CRADD: variants seen among roughly 807,000 people sequenced by gnomAD.
CRADD encodes death domain-containing protein CRADD.
CRADD carries 9 observed loss-of-function variants against 15.5 expected under a neutral mutation model. The ratio of observed to expected loss-of-function variants is 0.58; its 90% CI spans 0.35 to 1.01. The LOEUF is 1.01. CRADD is among the 50% of genes least tolerant of loss of function. The pLI is 0.02. For synonymous variants in CRADD, 118 were observed against 107.6 expected (o/e 1.10, Z -0.60); for missense variants, 227 against 250.3 (o/e 0.91, Z 0.63).
chr12:93,813,594 T>C (rs900034873), intron 2 of CRADD, among the ~76,000 whole-genome samples: 5 of 152,170 alleles, frequency 3.3e-5, no homozygotes, highest in Non-Finnish European at 7.3e-5. Context: ...CTGTAACTAA[T>C]TTAGGTTGAG....
chr12:93,752,727 AG>A (rs1360941251), intron 2 of CRADD, among the ~76,000 whole-genome samples: 10 of 152,124 alleles, frequency 6.6e-5, no homozygotes, highest in African/African-American at 9.7e-5. Flanking sequence ...TCCACATGGC[AG>A]GGGGGGCCTC....
chr12:93,771,849 A>G (rs879759509), intron 2 of CRADD, among the ~76,000 whole-genome samples: 1 of 152,210 alleles, frequency 6.6e-6, no homozygotes, highest in Non-Finnish European at 1.5e-5. Context: ...CTGAGTCTTA[A>G]TATCTTCATC....
chr12:93,811,506 T>C (rs1957626321), intron 2 of CRADD, among the ~76,000 whole-genome samples: 1 of 152,206 alleles, frequency 6.6e-6, no homozygotes, highest in Non-Finnish European at 1.5e-5. Flanking sequence ...TGCAGTGTAG[T>C]GTAGCAGGAT....
intron 2 of CRADD, among the ~76,000 whole-genome samples, chr12:93,693,994 T>C (rs912862298): frequency 6.6e-6 from 1 of 152,110 alleles, no homozygotes; most frequent in Non-Finnish European, 1.5e-5. Flanking sequence ...GGCCAGAATT[T>C]ACTTTGATAT....
At chr12:93,877,895 C>T (rs1395024797) in intron 2 of CRADD, among the ~76,000 whole-genome samples, 3 of 152,106 alleles carry the variant, frequency 2.0e-5, no homozygotes. Flanking sequence ...CTTTGCTTTT[C>T]CCTCTGCTTT....
rs146332451 is a variant in CRADD at position 93,832,683 on chromosome 12, T to C, written c.299-17287T>C. On this transcript the variant is annotated intron_variant, in intron 2 of 2. Transcript: ENST00000332896. ...AGATGAAACTAAAGTTATAAGTATT[T>C]TTAAACAATTTTGAAAATTTTGGAG... is the stretch of plus-strand genomic sequence containing the variant. Among the ~76,000 whole-genome samples, 49 of 152,362 alleles carry C rather than the reference T, an allele frequency of 3.2e-4. No homozygotes were observed. The East Asian group carries it at 7.5e-3, about 23-fold the overall frequency.
At chr12:93,776,385 AT>A (rs1445930578) in intron 2 of CRADD, among the ~76,000 whole-genome samples, 1 of 152,150 alleles carries the variant, frequency 6.6e-6, no homozygotes, top group African/African-American at 2.4e-5. Flanking sequence ...TGTATTTAAA[AT>A]TTTTTTGAAG....
At chr12:93,878,122 A>T (rs770683776) in intron 2 of CRADD, among the ~76,000 whole-genome samples, 6 of 152,194 alleles carry the variant, frequency 3.9e-5, no homozygotes, top group Non-Finnish European at 7.3e-5. Context: ...TACAGGAGTA[A>T]GTATGGGAAG....
intron 2 of CRADD, among the ~76,000 whole-genome samples, chr12:93,808,229 G>A (rs1957568812): frequency 6.6e-6 from 1 of 151,968 alleles, no homozygotes; most frequent in African/African-American, 2.4e-5. Flanking sequence ...ACCTGAGACT[G>A]GCTAATTTAT....
intron 2 of CRADD, chr12:93,735,780 G>GA (rs1956556738): frequency 1.3e-5 from 2 of 151,242 alleles, no homozygotes; most frequent in South Asian, 4.2e-4. Flanking sequence ...ATTATTTGTA[G>GA]AAAAAATACT....
intron 2 of CRADD, among the ~76,000 whole-genome samples, chr12:93,814,846 A>G (rs1415269964): frequency 1.3e-5 from 2 of 152,232 alleles, no homozygotes; most frequent in East Asian, 1.9e-4. Context: ...GTGATCATGT[A>G]TATGTACAAT....
intron 2 of CRADD, among the ~76,000 whole-genome samples, chr12:93,787,191 T>C (rs1011766697): frequency 6.7e-5 from 10 of 149,998 alleles, no homozygotes; most frequent in African/African-American, 2.5e-4. Flanking sequence ...GGATTTGATG[T>C]CAGGGACTGG....
chr12:93,851,357 C>T (rs1213382141), downstream of CRADD, among the ~76,000 whole-genome samples: 1 of 152,168 alleles, frequency 6.6e-6, no homozygotes, highest in Non-Finnish European at 1.5e-5. Flanking sequence ...TTCTCTCTTG[C>T]ATGCTCATTG....
At chr12:93,699,736 T>TA (rs1440320312) in intron 2 of CRADD, among the ~76,000 whole-genome samples, 6 of 152,218 alleles carry the variant, frequency 3.9e-5, no homozygotes, top group African/African-American at 1.4e-4. Flanking sequence ...TTTAGAAGTG[T>TA]AGCCTGTATT....
In CRADD at chr12:93,830,084, G is replaced by A. The variant is rs534849621; in HGVS notation, c.299-19886G>A. Among the ~76,000 whole-genome samples, 12 of 152,252 alleles carry A rather than the reference G, an allele frequency of 7.9e-5. No individual in the cohort carries two copies. The South Asian group carries it at 8.3e-4, about 11-fold the overall frequency. On this transcript the variant is annotated intron_variant, in intron 2 of 2. Transcript: ENST00000332896. ...ACCAGTGGTGGGGAGAGCCTGCCAC[G>A]GGTTCTAGAGGCTCCTGCTTCAATG...
chr12:93,694,744 T>A (rs1220335545), intron 2 of CRADD, among the ~76,000 whole-genome samples: 1 of 152,126 alleles, frequency 6.6e-6, no homozygotes, highest in Non-Finnish European at 1.5e-5. Context: ...TACTTAGGAA[T>A]ACTTAACCAA....
intron 2 of CRADD, among the ~76,000 whole-genome samples, chr12:93,775,839 C>T (rs1957134826): frequency 1.3e-5 from 2 of 152,186 alleles, no homozygotes; most frequent in African/African-American, 2.4e-5. Context: ...CATTTTCTCA[C>T]ACCCTTCCCA....
At chr12:93,842,184 C>T (rs939361751) in intron 2 of CRADD, among the ~76,000 whole-genome samples, 1 of 152,134 alleles carries the variant, frequency 6.6e-6, no homozygotes, top group Non-Finnish European at 1.5e-5. Context: ...AGTTCCCATT[C>T]TCAGATTACC....
At chr12:93,736,572 T>C (rs1216620526) in intron 2 of CRADD, among the ~76,000 whole-genome samples, 1 of 152,244 alleles carries the variant, frequency 6.6e-6, no homozygotes, top group East Asian at 1.9e-4. Flanking sequence ...ATATAGGGTA[T>C]GATAAATGTT....
Sources: allele counts gnomAD v4.1 joint callset (sites outside exome capture counted in the v4.1 genomes callset), GRCh38; gene constraint gnomAD v4.1.1; transcripts MANE v1.5; gene names NCBI Gene and HGNC (gene_info 2026-07-23, HGNC 2026-07-21).